Variants in TNXB observed in about 807,000 individuals in gnomAD.
TNXB encodes the protein tenascin XB.
In TNXB, 183 loss-of-function variants were observed where a neutral mutation model predicts 340.5. That is an observed-to-expected ratio of 0.54 (90% CI 0.48 to 0.61). The LOEUF (loss-of-function observed/expected upper bound fraction) is 0.61. Among genes scored for constraint, TNXB ranks in the 20% least tolerant of loss-of-function variants. The pLI is 0.00. For synonymous variants in TNXB, 2,121 were observed against 2,314.5 expected (o/e 0.92, Z 2.40); for missense variants, 4,613 against 5,446.4 (o/e 0.85, Z 4.82).
rs533171971 is a variant in TNXB, at chr6:32,076,354, G to C, written c.4376-2402C>G. On this transcript the variant is annotated intron_variant, in intron 11 of 43. Transcript: ENST00000644971. The stretch of plus-strand genomic sequence containing the variant: ...CACCTCTCCCCCTGGCAACTGCACT[G>C]TGTGTGCTGCCAGACACAGCCCCCA... Among the ~76,000 whole-genome samples, 3 of 152,310 alleles carry C rather than the reference G, an allele frequency of 2.0e-5. No homozygotes were observed. In the South Asian group the frequency reaches 6.2e-4, roughly 32 times the overall value.
intron 1 of TNXB, among the ~76,000 whole-genome samples, chr6:32,098,881 CT>C (rs1157473521): frequency 6.6e-5 from 10 of 152,194 alleles, no homozygotes; most frequent in African/African-American, 2.4e-4. Context: ...CTTCACTCTG[CT>C]CATAAAGGCT....
Position 32,084,318 on chromosome 6 carries a change from G to T in TNXB, c.3445+95C>A. The T allele has an allele frequency of 9.4e-7, 1 of 1,061,640 alleles. No individual in the cohort carries two copies. The highest frequency in any genetic ancestry group is 1.3e-6 in the Non-Finnish European group (1 of 785,514). The allele number at this position is 1,061,640 out of a possible 1,614,324, so 65.8% of individuals were successfully genotyped here. A position where few individuals can be genotyped will look rare whatever the true frequency, so the allele number is the denominator to read the frequency against. ...TCAGCTCATGCACCACTGCCTCCAG[G>T]AAGCCTTCCCGGAGCTCCCAAAGCA... On this transcript the variant is annotated intron_variant, in intron 8 of 43. Coordinates refer to ENST00000644971, the MANE Select transcript of TNXB (RefSeq NM_001365276.2). The surrounding 1 kb of genome is among the most constrained non-coding windows in gnomAD (Gnocchi z 5.5).
chr6:32,076,921 G>T (rs185964298), intron 11 of TNXB, among the ~76,000 whole-genome samples: 1 of 152,300 alleles, frequency 6.6e-6, no homozygotes, highest in East Asian at 1.9e-4. Flanking sequence ...GCCAGAGGTT[G>T]CAGTGAGCTG....
At position 32,065,026 on chromosome 6, in the gene TNXB, G is replaced by A. The variant is rs779183259; in HGVS notation, c.6636C>T (p.Leu2212=). 9 of 1,609,324 alleles carry A rather than the reference G, an allele frequency of 5.6e-6. No individual in the cohort carries two copies. In the Admixed American group the frequency reaches 6.7e-5, roughly 12 times the overall value. Residue 2212 remains leucine, a synonymous_variant, in exon 19 of 44, where the codon CTC becomes CTT. Coordinates refer to ENST00000644971, the MANE Select transcript of TNXB (RefSeq NM_001365276.2). ...ACTGGCCCTCGGGGACTGTCCAGGA[G>A]AGGCTGAGGGAGTCGGAGGTGATGT... ...VRDITSDSLS[L]SWTVPEGQFD...
At chr6:32,071,964 C>T (rs1228640224) in intron 13 of TNXB, 26 bp downstream of exon 13, 10 of 1,559,776 alleles carry the variant, frequency 6.4e-6, no homozygotes, top group African/African-American at 1.4e-5. Flanking sequence ...TGGCCTCAGG[C>T]TCAGCTGTGT....
At chr6:32,093,943 C>T (rs1780195473) in intron 4 of TNXB, among the ~76,000 whole-genome samples, 1 of 151,530 alleles carries the variant, frequency 6.6e-6, no homozygotes, top group African/African-American at 2.4e-5. Flanking sequence ...AAAATACAAA[C>T]ATTAGCAGGC....
chr6:32,082,344 A>G lies in TNXB; in HGVS notation c.3446-18T>C. On this transcript the variant is annotated intron_variant, in intron 8 of 43. Transcript: ENST00000644971. The surrounding 1 kb of genome is among the most constrained non-coding windows in gnomAD (Gnocchi z 5.0). ...CTGAGGCACTAGGAAGAGTGGGTAG[A>G]GAGAAGGGAGAGACTTAGGTCCAAG... 3.8e-6 allele frequency: 6 copies of G among 1,570,584 alleles called. No individual in the cohort carries two copies. Among genetic ancestry groups the G allele is most frequent in the Non-Finnish European group, 5.2e-6 (6 of 1,155,806 alleles).
Position 32,047,842 on chromosome 6 carries a change from G to T in TNXB, c.10216C>A (p.Arg3406=), listed in dbSNP as rs375911095. Residue 3406 remains arginine (R), a synonymous_variant, in exon 30 of 44, where the codon CGG becomes AGG. Coordinates refer to ENST00000644971, the MANE Select transcript of TNXB (RefSeq NM_001365276.2). This position sits in a 1 kb window ranked among gnomAD's most constrained non-coding sequence, Gnocchi z 6.2. ...LQVVPVAANQ[R]EVTVQGLEPS... is the part of the protein sequence containing the mutation. ...TCCAGGCCCTGGACTGTGACCTCCCGCTGGTTGGCTGCCACCGGCACCACC... is the reference window on the plus strand; with the variant it reads ...TCCAGGCCCTGGACTGTGACCTCCCTCTGGTTGGCTGCCACCGGCACCACC... The T allele has an allele frequency of 4.3e-6, 7 of 1,611,900 alleles. No individual in the cohort carries two copies. The highest frequency in any genetic ancestry group is 5.1e-6 in the Non-Finnish European group (6 of 1,179,438).
intron 11 of TNXB, chr6:32,078,717 G>T (rs1253967973): frequency 2.7e-6 from 1 of 371,950 alleles, no homozygotes; most frequent in African/African-American, 2.2e-5. Context: ...TCTCACAGCA[G>T]ACACTGGCAG....
rs556440079 is a variant in TNXB at position 32,087,093 on chromosome 6, G to C, written c.2780-975C>G. Reference sequence around the variant, plus strand: ...CGTCTTCTAGGGACAATGGACTCGTGCTTTGTCCTGGGGGCCCCCTGGAGC... The same window carrying C: ...CGTCTTCTAGGGACAATGGACTCGTCCTTTGTCCTGGGGGCCCCCTGGAGC... On this transcript the variant is annotated intron_variant, in intron 6 of 43. Coordinates refer to ENST00000644971, the MANE Select transcript of TNXB (RefSeq NM_001365276.2). This position sits in a 1 kb window ranked among gnomAD's most constrained non-coding sequence, Gnocchi z 9.0. Among the ~76,000 whole-genome samples the C allele has an allele frequency of 6.6e-6, 1 of 152,234 alleles. No homozygotes were observed. The highest frequency in any genetic ancestry group is 2.4e-5 in the African/African-American group (1 of 41,464).
Position 32,068,456 on chromosome 6 carries a change from T to C in TNXB, c.6154A>G (p.Lys2052Glu). 16 of 1,613,888 alleles carry C rather than the reference T, an allele frequency of 9.9e-6. No homozygotes were observed. Among genetic ancestry groups the C allele is most frequent in the Non-Finnish European group, 1.4e-5 (16 of 1,179,898 alleles). The change falls in exon 17 of 44, where the codon AAG becomes GAG. Residue 2052 changes from lysine to glutamate, a missense_variant. Around this residue, in one of 7 missense-constraint regions of TNXB, gnomAD observed 4,327 missense variants for 4,859.4 expected, o/e 0.89. Transcript: ENST00000644971. The surrounding 1 kb of genome is among the most constrained non-coding windows in gnomAD (Gnocchi z 5.3). ...ISGLEPDHKYKMNLYGFHGGQ... is the reference protein window; with the variant it reads ...ISGLEPDHKYEMNLYGFHGGQ... ...CCGTGGAAGCCGTACAGGTTCATCT[T>C]GTATTTATGGTCTGGCTCCAGGCCC... is the stretch of plus-strand genomic sequence containing the variant.
intron 21 of TNXB, among the ~76,000 whole-genome samples, chr6:32,060,372 G>C (rs1150758): frequency 0.1 from 15,041 of 146,312 alleles, 980 homozygotes; most frequent in Non-Finnish European, 0.15. Flanking sequence ...TAAGCCACAA[G>C]AGCGATAGAG....
In TNXB at chr6:32,070,071, G is replaced by A. The variant is rs956969626; in HGVS notation, c.5278+56C>T. 6.1e-6 allele frequency: 9 copies of A among 1,481,560 alleles called. No homozygotes were observed. Among genetic ancestry groups the A allele is most frequent in the African/African-American group, 4.2e-5 (3 of 71,354 alleles). The allele number at this position is 1,481,560 out of a possible 1,614,324, so 91.8% of individuals were successfully genotyped here. ...GTAATGGCAGCCACCACAAGTGACC[G>A]TCTGCTGCTTGGCCTGAGGGGAGCA... is the stretch of plus-strand genomic sequence containing the variant. On this transcript the variant is annotated intron_variant, in intron 14 of 43. Transcript: ENST00000644971. This position sits in a 1 kb window ranked among gnomAD's most constrained non-coding sequence, Gnocchi z 6.0.
In TNXB at chr6:32,108,977, C is replaced by A. The variant is rs1293538303; in HGVS notation, c.-9+204G>T. The stretch of plus-strand genomic sequence containing the variant: ...GACACATACTGCCCACCCCAACACA[C>A]ACATACCACCCTCTCCTCCCAGACA... On this transcript the variant is annotated intron_variant, in intron 1 of 43. Coordinates refer to ENST00000644971, the MANE Select transcript of TNXB (RefSeq NM_001365276.2). The surrounding 1 kb of genome is among the most constrained non-coding windows in gnomAD (Gnocchi z 4.8). 6.6e-6 allele frequency among the ~76,000 whole-genome samples: 1 copy of A among 152,210 alleles called. No homozygotes were observed. Among genetic ancestry groups the A allele is most frequent in the Non-Finnish European group, 1.5e-5 (1 of 68,034 alleles).
Position 32,046,449 on chromosome 6 carries a change from CA to C in TNXB, c.10331del (p.Leu3444ArgfsTer12). 1 of 1,572,858 alleles carries C rather than the reference CA, an allele frequency of 6.4e-7. No individual in the cohort carries two copies. The highest frequency in any genetic ancestry group is 8.7e-7 in the Non-Finnish European group (1 of 1,152,498). Reference protein sequence around the residue: ...PISADSTTAPLEKELPPHLGE... With the variant: ...PISADSTTAPXEKELPPHLGE... ...CCAGGTGGGGAGGTAGCTCCTTCTC[CA>C]GGGGAGCTGTGCAGAGGGAGGAGGG... On this transcript the variant is annotated frameshift_variant, in exon 31 of 44. Coordinates refer to ENST00000644971, the MANE Select transcript of TNXB (RefSeq NM_001365276.2). LOFTEE classifies it high-confidence loss of function. This position sits in a 1 kb window ranked among gnomAD's most constrained non-coding sequence, Gnocchi z 6.9.
Position 32,055,997 on chromosome 6 carries a change from T to A in TNXB, c.8321A>T (p.Asp2774Val). ...DSFTVQYKDR[D>V]GRPQVMRVRG... ...GACACGCATCACCTGGGGCCGCCCG[T>A]CCCTGTCCTTGTACTGCACGGTGAA... Residue 2774 changes from aspartate (D) to valine (V), a missense_variant, in exon 24 of 44, where the codon GAC becomes GTC. Asp to Val is a radical substitution (Grantham distance 152). Transcript: ENST00000644971. 1.2e-6 allele frequency: 2 copies of A among 1,613,282 alleles called. No homozygotes were observed. Among genetic ancestry groups the A allele is most frequent in the Non-Finnish European group, 1.7e-6 (2 of 1,179,870 alleles).
In TNXB at chr6:32,047,688, G is replaced by A; in HGVS notation, c.10324+46C>T. 1 of 1,539,924 alleles carries A rather than the reference G, an allele frequency of 6.5e-7. No homozygotes were observed. On this transcript the variant is annotated intron_variant, in intron 30 of 43. Coordinates refer to ENST00000644971, the MANE Select transcript of TNXB (RefSeq NM_001365276.2). The surrounding 1 kb of genome is among the most constrained non-coding windows in gnomAD (Gnocchi z 6.2). The stretch of plus-strand genomic sequence containing the variant: ...CTGCAGGGCCAGCTCTGAGGGCTCG[G>A]ATGAGAGGCAGCTCTGGAAAAGGTG...
chr6:32,083,171 G>T lies in TNXB; in HGVS notation c.3446-845C>A, dbSNP rs550515997. Among the ~76,000 whole-genome samples the T allele has an allele frequency of 6.6e-6, 1 of 152,082 alleles. No individual in the cohort carries two copies. The highest frequency in any genetic ancestry group is 1.5e-5 in the Non-Finnish European group (1 of 68,020). The stretch of plus-strand genomic sequence containing the variant: ...GTTCCGGAATCTGACAAGTCCAACC[G>T]CACCCTCCTTCCTGGAGTCCAGACA... On this transcript the variant is annotated intron_variant, in intron 8 of 43. Coordinates refer to ENST00000644971, the MANE Select transcript of TNXB (RefSeq NM_001365276.2). This position sits in a 1 kb window ranked among gnomAD's most constrained non-coding sequence, Gnocchi z 4.6.
chr6:32,076,827 C>CA (rs1166798915), intron 11 of TNXB, among the ~76,000 whole-genome samples: 1 of 151,884 alleles, frequency 6.6e-6, no homozygotes, highest in African/African-American at 2.4e-5. Flanking sequence ...ACTAAAAATA[C>CA]AAAAATTAGC....
Sources: allele counts gnomAD v4.1 joint callset (sites outside exome capture counted in the v4.1 genomes callset), GRCh38; gene constraint gnomAD v4.1.1; regional missense constraint gnomAD v4.1.1; non-coding constraint Gnocchi (gnomAD v3.1); transcripts MANE v1.5; gene names NCBI Gene and HGNC (gene_info 2026-07-23, HGNC 2026-07-21).